LRRC8C: variants seen among roughly 807,000 people sequenced by gnomAD.
LRRC8C encodes volume-regulated anion channel subunit LRRC8C.
In LRRC8C, 20 loss-of-function variants were observed where a neutral mutation model predicts 55.3. That is an observed-to-expected ratio of 0.36 (90% CI 0.25 to 0.53). The LOEUF is 0.53. Ranked by LOEUF, LRRC8C falls within the 20% of genes least tolerant of loss-of-function variation. The pLI is 0.92. For synonymous variants in LRRC8C, 376 were observed against 360.7 expected, an observed-to-expected ratio of 1.04 and a Z score of -0.48; for missense variants, 659 against 951.4, an observed-to-expected ratio of 0.69 and a Z score of 4.04.
chr1:89,638,376 G>A (rs920533265), intron 1 of LRRC8C, among the ~76,000 whole-genome samples: 1 of 152,078 alleles, frequency 6.6e-6, no homozygotes, highest in Non-Finnish European at 1.5e-5. Flanking sequence ...GATACACTGT[G>A]TATCTGTTTA....
chr1:89,662,274 T>A (rs956789276), intron 1 of LRRC8C, among the ~76,000 whole-genome samples: 3 of 152,202 alleles, frequency 2.0e-5, no homozygotes, highest in Non-Finnish European at 1.5e-5. Flanking sequence ...TGGACAAGCT[T>A]GTGCTAGAAG....
rs146186076 is a variant in LRRC8C, at chr1:89,713,510, C to G, written c.940C>G (p.His314Asp). Residue 314 changes from histidine (H) to aspartate (D), a missense_variant, in exon 3 of 3, where the codon CAC (histidine) becomes GAC (aspartate). By Grantham distance (81) the His-to-Asp change is moderately conservative (BLOSUM62 -1). This residue lies in a region of LRRC8C where 200 missense variants were observed against 360.5 expected (regional missense o/e 0.55). Transcript: ENST00000370454. This position sits in a 1 kb window ranked among gnomAD's most constrained non-coding sequence, Gnocchi z 5.2. ...KNFSCNHTMA[H>D]LFSKLSFCYL... is the part of the protein sequence containing the mutation. ...CTTTTCTTGCAATCATACCATGGCA[C>G]ACTTGTTCTCAAAACTGTCCTTTTG... 4.3e-6 allele frequency: 7 copies of G among 1,614,006 alleles called. No homozygotes were observed. In the African/African-American group the frequency reaches 9.3e-5, roughly 22 times the overall value.
At chr1:89,640,027 T>G (rs1361069115) in intron 1 of LRRC8C, among the ~76,000 whole-genome samples, 1 of 152,214 alleles carries the variant, frequency 6.6e-6, no homozygotes, top group Non-Finnish European at 1.5e-5. Flanking sequence ...CTAAATAAAC[T>G]AAAAATGTGA....
chr1:89,712,665 C>A, intron 2 of LRRC8C, 44 bp from the exon 3 acceptor site: 1 of 1,412,450 alleles, frequency 7.1e-7, no homozygotes, highest in South Asian at 1.2e-5. Context: ...ATTATGAAAG[C>A]TCTTTGAGTA....
intron 1 of LRRC8C, among the ~76,000 whole-genome samples, chr1:89,656,116 T>G (rs1656936294): frequency 6.6e-6 from 1 of 152,232 alleles, no homozygotes; most frequent in Non-Finnish European, 1.5e-5. Context: ...AGATTCAACA[T>G]GAGGGCTCTT....
chr1:89,659,114 A>T (rs1334453724), intron 1 of LRRC8C, among the ~76,000 whole-genome samples: 1 of 119,746 alleles, frequency 8.4e-6, no homozygotes, highest in Non-Finnish European at 1.6e-5. Context: ...TGTGTCTGTG[A>T]TGAAGTCTTA....
chr1:89,645,878 A>G (rs1656596959), intron 1 of LRRC8C, among the ~76,000 whole-genome samples: 1 of 152,088 alleles, frequency 6.6e-6, no homozygotes, highest in Non-Finnish European at 1.5e-5. Flanking sequence ...ACTGAATGAT[A>G]AAAATATAGC....
chr1:89,633,642 C>G (rs1396107484), intron 1 of LRRC8C, among the ~76,000 whole-genome samples: 1 of 151,528 alleles, frequency 6.6e-6, no homozygotes, highest in Non-Finnish European at 1.5e-5. Context: ...GGTGGGGGGG[C>G]GGTCCGCGAG....
intron 1 of LRRC8C, among the ~76,000 whole-genome samples, chr1:89,648,696 AT>A (rs1287431745): frequency 6.6e-6 from 1 of 152,160 alleles, no homozygotes; most frequent in Non-Finnish European, 1.5e-5. Flanking sequence ...ATTTTAAAAC[AT>A]TTTTATCACC....
rs745460708 is a variant in LRRC8C, at chr1:89,714,397, C to T, written c.1827C>T (p.Phe609=). The part of the protein sequence containing the change: ...CDLERIPHAV[F]SLLSLQELDL... ...TGGAGCGTATTCCTCATGCTGTGTT[C>T]AGCCTACTCAGCCTCCAGGAATTGG... Residue 609 remains phenylalanine, a synonymous_variant, in exon 3 of 3, where the codon TTC becomes TTT. Coordinates refer to ENST00000370454, the MANE Select transcript of LRRC8C (RefSeq NM_032270.5). This position sits in a 1 kb window ranked among gnomAD's most constrained non-coding sequence, Gnocchi z 4.6. 27 of 1,614,090 alleles carry T rather than the reference C, an allele frequency of 1.7e-5. No individual in the cohort carries two copies. Among genetic ancestry groups the T allele is most frequent in the Non-Finnish European group, 2.3e-5 (27 of 1,179,998 alleles).
At chr1:89,704,202 A>T (rs750545897) in intron 2 of LRRC8C, among the ~76,000 whole-genome samples, 2 of 152,070 alleles carry the variant, frequency 1.3e-5, no homozygotes, top group Non-Finnish European at 2.9e-5. Context: ...TTTGCAATGA[A>T]CCCGCCAACC....
chr1:89,660,331 A>G (rs12074329), intron 1 of LRRC8C, among the ~76,000 whole-genome samples: 4,627 of 152,230 alleles, frequency 0.03, 238 homozygotes, highest in African/African-American at 0.11. Context: ...TTTGGGGAGA[A>G]TAGGTCTCAA....
At chr1:89,670,400 C>G (rs1486562706) in intron 1 of LRRC8C, among the ~76,000 whole-genome samples, 1 of 152,112 alleles carries the variant, frequency 6.6e-6, no homozygotes, top group Non-Finnish European at 1.5e-5. Flanking sequence ...CCTGTTATAC[C>G]CTCATGCTGA....
At chr1:89,678,481 A>G (rs1441866934) in intron 1 of LRRC8C, among the ~76,000 whole-genome samples, 2 of 152,186 alleles carry the variant, frequency 1.3e-5, no homozygotes, top group Non-Finnish European at 2.9e-5. Flanking sequence ...CCGGTGGATC[A>G]CCTGAGGTCA....
rs116668604 is a variant in LRRC8C, at chr1:89,699,408, G to A, written c.138+12797G>A. On this transcript the variant is annotated intron_variant, in intron 2 of 2. Coordinates refer to ENST00000370454, the MANE Select transcript of LRRC8C (RefSeq NM_032270.5). The stretch of plus-strand genomic sequence containing the variant: ...AGTGATGTGTCAATGTAGGTTCATC[G>A]ATTGTAACAAATGTACCACTGTGGT... Among the ~76,000 whole-genome samples the A allele has an allele frequency of 8.2e-3, 1,248 of 152,228 alleles. 7 individuals are homozygous for A. Among genetic ancestry groups the A allele is most frequent in the African/African-American group, 0.02 (842 of 41,550 alleles).
intron 1 of LRRC8C, among the ~76,000 whole-genome samples, chr1:89,649,360 G>A (rs975038240): frequency 2.6e-5 from 4 of 152,130 alleles, no homozygotes; most frequent in African/African-American, 4.8e-5. Context: ...TGGATTTAAA[G>A]TTCTAGTTAA....
At chr1:89,709,994 A>G (rs930687352) in intron 2 of LRRC8C, among the ~76,000 whole-genome samples, 4 of 151,720 alleles carry the variant, frequency 2.6e-5, no homozygotes, top group African/African-American at 9.7e-5. Flanking sequence ...CTCGTGATCC[A>G]CCCGCCTTGG....
At chr1:89,646,683 C>T (rs61798866) in intron 1 of LRRC8C, among the ~76,000 whole-genome samples, 13,960 of 152,120 alleles carry the variant, frequency 0.092, 914 homozygotes, top group South Asian at 0.28. Flanking sequence ...ATGCCTTCCC[C>T]TTGAGATCAG....
chr1:89,701,690 A>G (rs905654157), intron 2 of LRRC8C, among the ~76,000 whole-genome samples: 1 of 152,138 alleles, frequency 6.6e-6, no homozygotes, highest in African/African-American at 2.4e-5. Context: ...TAATTTTTGT[A>G]TTATGATACA....
Sources: gnomAD v4.1 joint callset for allele counts (sites outside exome capture counted in the v4.1 genomes callset) on GRCh38, gnomAD v4.1.1 for gene constraint, gnomAD v4.1.1 regional missense constraint, Gnocchi (gnomAD v3.1) non-coding constraint, MANE v1.5 for transcripts, NCBI Gene and HGNC (gene_info 2026-07-23, HGNC 2026-07-21) for gene names.